Variants in GLYATL2 observed in about 807,000 individuals in gnomAD.
GLYATL2 encodes glycine N-acyltransferase-like protein 2.
A neutral mutation model predicts 21.4 loss-of-function variants in GLYATL2; 25 were observed. The observed-to-expected ratio is 1.17, with a 90% CI of 0.85 to 1.63. GLYATL2 has a LOEUF of 1.63. Among genes scored for constraint, GLYATL2 ranks in the 40% most tolerant of loss-of-function variants. GLYATL2 has a pLI of 0.00. For synonymous variants in GLYATL2, 114 were observed against 118.2 expected, an observed-to-expected ratio of 0.96 and a Z score of 0.23; for missense variants, 361 against 343.3, an observed-to-expected ratio of 1.05 and a Z score of -0.41.
intron 1 of GLYATL2, among the ~76,000 whole-genome samples, chr11:58,902,293 C>T (rs1565112594): frequency 6.6e-6 from 1 of 152,158 alleles, no homozygotes; most frequent in Non-Finnish European, 1.5e-5. Context: ...TGCCCAGGCC[C>T]TTATGTCTGA....
chr11:58,864,835 G>A (rs952269496), intron 1 of GLYATL2, among the ~76,000 whole-genome samples: 12 of 149,000 alleles, frequency 8.1e-5, no homozygotes, highest in African/African-American at 2.9e-4. Context: ...ATGTCTAGTT[G>A]CACAGCATCC....
chr11:58,867,525 T>C lies in GLYATL2; in HGVS notation n.61-29157A>G, dbSNP rs531863169. On this transcript the variant is annotated intron_variant and non_coding_transcript_variant, in intron 1 of 4. Transcript: ENST00000533636. ...GATGGACCTGTAGAGTCCCAAAAGATGGAAGAACATTCAAGACTAGCCAGC... is the reference window on the plus strand; with the variant it reads ...GATGGACCTGTAGAGTCCCAAAAGACGGAAGAACATTCAAGACTAGCCAGC... Among the ~76,000 whole-genome samples the C allele has an allele frequency of 7.3e-4, 108 of 148,800 alleles. 1 individual carries two copies. Among genetic ancestry groups the C allele is most frequent in the African/African-American group, 2.3e-3 (97 of 41,312 alleles).
rs1004716963 is a variant in GLYATL2 at position 58,873,819 on chromosome 11, T to A, written n.60+30337A>T. ...GCCTCATAAAATGAGTTAGGGAGGATTCTCTGTTTTTTTATTGATTGGAAT... is the reference window on the plus strand; with the variant it reads ...GCCTCATAAAATGAGTTAGGGAGGAATCTCTGTTTTTTTATTGATTGGAAT... On this transcript the variant is annotated intron_variant and non_coding_transcript_variant, in intron 1 of 4. Transcript: ENST00000533636. Among the ~76,000 whole-genome samples the A allele has an allele frequency of 1.1e-4, 16 of 152,294 alleles. 1 individual carries two copies. The highest frequency in any genetic ancestry group is 3.4e-4 in the African/African-American group (14 of 41,570).
chr11:58,840,874 A>G (rs1324235326), intron 1 of GLYATL2: 1 of 150,356 alleles, frequency 6.7e-6, no homozygotes, highest in Admixed American at 6.6e-5. Context: ...ATAAAATAAA[A>G]TAAAATAAAA....
intron 1 of GLYATL2, 141 bp from the exon 2 acceptor site, chr11:58,839,793 G>A (rs1565088551): frequency 2.2e-6 from 1 of 447,198 alleles, no homozygotes; most frequent in Non-Finnish European, 4.0e-6. Flanking sequence ...AAACTTTTCA[G>A]TTTACAAATG....
intron 1 of GLYATL2, among the ~76,000 whole-genome samples, chr11:58,883,334 GAAGAA>G (rs1287475468): frequency 1.3e-5 from 2 of 152,030 alleles, no homozygotes; most frequent in East Asian, 3.9e-4. Context: ...GACTAATAAA[GAAGAA>G]AAGAAAGAAG....
intron 1 of GLYATL2, among the ~76,000 whole-genome samples, chr11:58,842,807 C>A (rs12223073): frequency 0.22 from 33,646 of 152,006 alleles, 3,918 homozygotes; most frequent in East Asian, 0.29. Flanking sequence ...GTGCTCCTTA[C>A]AACTTTTGCT....
At chr11:58,909,359 T>G in the GLYATL2 span, among the ~76,000 whole-genome samples, 1 of 152,148 alleles carries the variant, frequency 6.6e-6, no homozygotes, top group Non-Finnish European at 1.5e-5. Flanking sequence ...CTTAAATTAT[T>G]GCTAAAATGA....
At position 58,862,882 on chromosome 11, in the gene GLYATL2, C is replaced by T. The variant is rs1402988667; in HGVS notation, n.61-24514G>A. On this transcript the variant is annotated intron_variant and non_coding_transcript_variant, in intron 1 of 4. Transcript: ENST00000533636. Reference sequence around the variant, plus strand: ...TCTCTGATAGTTCTTGATATTTAGGCTGTGCATTGGTGTCTGCACATTTGA... The same window carrying T: ...TCTCTGATAGTTCTTGATATTTAGGTTGTGCATTGGTGTCTGCACATTTGA... Among the ~76,000 whole-genome samples, 3 of 152,104 alleles carry T rather than the reference C, an allele frequency of 2.0e-5. No individual in the cohort carries two copies. In the East Asian group the frequency reaches 5.8e-4, roughly 29 times the overall value.
intron 1 of GLYATL2, among the ~76,000 whole-genome samples, chr11:58,901,023 C>A (rs1046280607): frequency 1.1e-4 from 16 of 152,156 alleles, no homozygotes; most frequent in Non-Finnish European, 1.9e-4. Flanking sequence ...AACGCGCCTT[C>A]GCCTGCCCTG....
intron 1 of GLYATL2, among the ~76,000 whole-genome samples, chr11:58,866,247 C>T (rs1431947503): frequency 1.3e-5 from 2 of 148,784 alleles, no homozygotes; most frequent in African/African-American, 2.4e-5. Flanking sequence ...ATCTCAAACT[C>T]CAGAAACTCT....
chr11:58,853,129 T>G (rs529734), intron 1 of GLYATL2, among the ~76,000 whole-genome samples: 135,003 of 152,170 alleles, frequency 0.89, 61,048 homozygotes, highest in Non-Finnish European at 0.98. Flanking sequence ...CTAAGTAACG[T>G]TTCCTTTATC....
chr11:58,878,431 C>A, intron 1 of GLYATL2: 1 of 421,258 alleles, frequency 2.4e-6, no homozygotes, highest in Non-Finnish European at 3.6e-6. Flanking sequence ...GTTTTGAGCT[C>A]TCTGAATTTC....
intron 1 of GLYATL2, among the ~76,000 whole-genome samples, chr11:58,898,811 C>T (rs768911474): frequency 9.2e-5 from 14 of 151,910 alleles, no homozygotes; most frequent in Non-Finnish European, 1.5e-4. Flanking sequence ...TCAACCTGGG[C>T]GACAGTGCAA....
At chr11:58,860,018 TG>T (rs1485736950) in intron 1 of GLYATL2, among the ~76,000 whole-genome samples, 1 of 152,314 alleles carries the variant, frequency 6.6e-6, no homozygotes, top group African/African-American at 2.4e-5. Context: ...TCATTACTAT[TG>T]CTTCATAGTA....
chr11:58,893,620 A>G (rs1854584319), intron 1 of GLYATL2, among the ~76,000 whole-genome samples: 1 of 152,196 alleles, frequency 6.6e-6, no homozygotes. Flanking sequence ...CAGCCATGCT[A>G]TTGAGGAACT....
rs71486427 is a variant in GLYATL2 at position 58,852,663 on chromosome 11, G to A, written n.61-14295C>T. Among the ~76,000 whole-genome samples the A allele has an allele frequency of 3.1e-3, 471 of 152,346 alleles. 1 individual carries two copies. The highest frequency in any genetic ancestry group is 5.8e-3 in the Non-Finnish European group (397 of 68,032). Reference sequence around the variant, plus strand: ...CAGAACCTTTGCCAAGAGCTCTCAAGTGAGATGTACAGACAAATATTCTTC... The same window carrying A: ...CAGAACCTTTGCCAAGAGCTCTCAAATGAGATGTACAGACAAATATTCTTC... On this transcript the variant is annotated intron_variant and non_coding_transcript_variant, in intron 1 of 4. Transcript: ENST00000533636.
intron 2 of GLYATL2, 31 bp from the exon 3 acceptor site, chr11:58,838,399 A>AACTTCATCCTCTCC: frequency 1.4e-6 from 2 of 1,379,446 alleles, no homozygotes; most frequent in Non-Finnish European, 2.1e-6. Flanking sequence ...GCAGGAGAGG[A>AACTTCATCCTCTCC]TGAAGTTCTT....
chr11:58,881,441 T>C (rs1854332373), intron 1 of GLYATL2, among the ~76,000 whole-genome samples: 1 of 152,186 alleles, frequency 6.6e-6, no homozygotes, highest in Admixed American at 6.5e-5. Flanking sequence ...GTGTCAAAAT[T>C]ATTCATTTTT....
Sources: allele counts gnomAD v4.1 joint callset (sites outside exome capture counted in the v4.1 genomes callset), GRCh38; gene constraint gnomAD v4.1.1; transcripts MANE v1.5; gene names NCBI Gene and HGNC (gene_info 2026-07-23, HGNC 2026-07-21).